DOCK10: variants seen among roughly 807,000 people sequenced by gnomAD.
DOCK10 encodes dedicator of cytokinesis 10.
In DOCK10, 145 loss-of-function variants were observed where a neutral mutation model predicts 280.1. The observed-to-expected ratio is 0.52, with a 90% confidence interval of 0.45 to 0.59. The LOEUF is 0.59. Among genes scored for constraint, DOCK10 ranks in the 20% least tolerant of loss-of-function variants. The pLI, the probability that DOCK10 is intolerant of heterozygous loss-of-function variation, is 0.00. For missense variants in DOCK10, 2,368 were observed against 2,651.7 expected, an observed-to-expected ratio of 0.89 and a Z score of 2.35; for synonymous variants, 915 against 942.2, an observed-to-expected ratio of 0.97 and a Z score of 0.53.
In DOCK10 at chr2:224,864,613, G is replaced by T; in HGVS notation, c.1542C>A (p.Val514=). The T allele has an allele frequency of 6.2e-7, 1 of 1,613,444 alleles. No individual in the cohort carries two copies. Among genetic ancestry groups the T allele is most frequent in the Non-Finnish European group, 8.5e-7 (1 of 1,179,760 alleles). ...EIVLVAKIEK[V]LMGNIASGAE... is the part of the protein sequence containing the mutation. The stretch of plus-strand genomic sequence containing the variant: ...CACCACTTGCAATGTTTCCCATCAA[G>T]ACTTTTTCGATTTTGGCCACCAAAA... The change falls in exon 13 of 56, where the codon GTC becomes GTA. Residue 514 remains valine (V), a synonymous_variant. Transcript: ENST00000258390.
At chr2:224,886,229 C>T (rs773221376) in intron 5 of DOCK10, 44 bp from the exon 6 acceptor site, 5 of 1,612,244 alleles carry the variant, frequency 3.1e-6, no homozygotes, top group Admixed American at 1.7e-5. Flanking sequence ...TTTTGTGGAT[C>T]CTAGATCCTA....
At chr2:225,002,531 T>C (rs1287510969) in intron 1 of DOCK10, among the ~76,000 whole-genome samples, 2 of 152,188 alleles carry the variant, frequency 1.3e-5, no homozygotes, top group African/African-American at 2.4e-5. Context: ...GTAGTTGAGA[T>C]TTAGTCAGCT....
chr2:224,907,674 C>T (rs915484167), intron 3 of DOCK10, among the ~76,000 whole-genome samples: 2 of 118,746 alleles, frequency 1.7e-5, no homozygotes, highest in African/African-American at 7.0e-5. Context: ...GGCGACAGAG[C>T]GAGACTCCAC....
chr2:224,992,173 G>A (rs116664085), intron 1 of DOCK10, among the ~76,000 whole-genome samples: 1,981 of 152,192 alleles, frequency 0.013, 45 homozygotes, highest in African/African-American at 0.044. Context: ...TGGATGACAC[G>A]GGATAAATGA....
chr2:225,022,386 T>A (rs1269294505), intron 1 of DOCK10, among the ~76,000 whole-genome samples: 1 of 152,196 alleles, frequency 6.6e-6, no homozygotes, highest in African/African-American at 2.4e-5. Flanking sequence ...CCCTTTCACC[T>A]ATTCCCTGAA....
intron 1 of DOCK10, among the ~76,000 whole-genome samples, chr2:224,961,364 A>T (rs906865084): frequency 4.7e-5 from 7 of 150,452 alleles, no homozygotes; most frequent in Non-Finnish European, 8.9e-5. Context: ...GTAGTATGTG[A>T]TATTTCCCAT....
Position 224,807,741 on chromosome 2 carries a change from C to T in DOCK10, c.3629G>A (p.Gly1210Asp), listed in dbSNP as rs748717004. 42 of 1,572,864 alleles carry T rather than the reference C, an allele frequency of 2.7e-5. No homozygotes were observed. The highest frequency in any genetic ancestry group is 3.5e-5 in the Non-Finnish European group (41 of 1,157,734). ...CCTTGGCATATTGTCCAGGAGCATG[C>T]CGTACAGGGGCATGTATAAACTTGC... ...QIASLYMPLY[G>D]MLLDNMPRIY... is the part of the protein sequence containing the mutation. Residue 1210 changes from glycine to aspartate, a missense_variant, in exon 33 of 56, where the codon GGC (glycine) becomes GAC (aspartate). Gly to Asp is a moderately conservative substitution (Grantham distance 94). Coordinates refer to ENST00000258390, the MANE Select transcript of DOCK10 (RefSeq NM_014689.3).
At chr2:225,014,568 C>G (rs1055152609) in intron 1 of DOCK10, among the ~76,000 whole-genome samples, 1 of 151,736 alleles carries the variant, frequency 6.6e-6, no homozygotes, top group African/African-American at 2.4e-5. Context: ...ACTAATCATG[C>G]CTTTTATTTG....
Position 224,819,480 on chromosome 2 carries a change from T to C in DOCK10, c.3233A>G (p.Asn1078Ser). 6.2e-7 allele frequency: 1 copy of C among 1,611,622 alleles called. No individual in the cohort carries two copies. Among genetic ancestry groups the C allele is most frequent in the South Asian group, 1.1e-5 (1 of 90,580 alleles). ...DRGYVFKMVN[N>S]YISMFSSGDL... ...ACCGGAGGAGAACATGCTGATGTAA[T>C]TGTTGACCATCTTAAACACATACCC... Residue 1078 changes from asparagine to serine, a missense_variant, in exon 29 of 56, where the codon AAT becomes AGT. Coordinates refer to ENST00000258390, the MANE Select transcript of DOCK10 (RefSeq NM_014689.3).
intron 12 of DOCK10, 27 bp from the exon 13 acceptor site, chr2:224,864,702 G>A (rs1697757673): frequency 1.3e-6 from 2 of 1,596,390 alleles, no homozygotes; most frequent in Admixed American, 3.6e-5. Context: ...CAGCTAATAA[G>A]CATGGAAGAA....
In DOCK10 at chr2:224,804,148, T is replaced by C. The variant is rs566258280; in HGVS notation, c.4232A>G (p.Asn1411Ser). ...GAGACCTGATGTCTGGCAGGAAGGA[T>C]TGGATCCTTTGAGAGTTCCATTGTT... Reference protein sequence around the residue: ...TQNNGTLKGSNPSCQTSGLLS... With the variant: ...TQNNGTLKGSSPSCQTSGLLS... Residue 1411 changes from asparagine (N) to serine (S), a missense_variant, in exon 39 of 56, where the codon AAT (asparagine) becomes AGT (serine). This residue lies in a region of DOCK10 where 1,159 missense variants were observed against 1,400.8 expected (regional missense o/e 0.83). Transcript: ENST00000258390. 1.2e-5 allele frequency: 19 copies of C among 1,611,726 alleles called. No homozygotes were observed. The South Asian group carries it at 1.4e-4, about 12-fold the overall frequency.
chr2:224,974,270 A>G (rs1374491441), intron 1 of DOCK10, among the ~76,000 whole-genome samples: 1 of 152,192 alleles, frequency 6.6e-6, no homozygotes, highest in Admixed American at 6.5e-5. Flanking sequence ...TGCAAATTGA[A>G]TGTATTGGGC....
At chr2:224,943,142 A>G (rs766597954) in intron 1 of DOCK10, among the ~76,000 whole-genome samples, 1 of 152,220 alleles carries the variant, frequency 6.6e-6, no homozygotes, top group Non-Finnish European at 1.5e-5. Flanking sequence ...TCAAAAATTA[A>G]GGGAAGAAGT....
At chr2:224,980,374 T>C (rs973227513) in intron 1 of DOCK10, among the ~76,000 whole-genome samples, 1 of 152,250 alleles carries the variant, frequency 6.6e-6, no homozygotes, top group Admixed American at 6.5e-5. Flanking sequence ...CTAAAGTTTG[T>C]AGACTAAGTG....
In DOCK10 at chr2:224,770,274, C is replaced by T; in HGVS notation, c.6381G>A (p.Gln2127=). Residue 2127 remains glutamine (Q), a synonymous_variant, in exon 55 of 56, where the codon CAG becomes CAA. Transcript: ENST00000258390. The surrounding 1 kb of genome is among the most constrained non-coding windows in gnomAD (Gnocchi z 4.5). ...RLIKEDQLEY[Q]EELRSHYKDM... The stretch of plus-strand genomic sequence containing the variant: ...CCTTGTAGTGGGACCTCAGTTCTTC[C>T]TGGTACTCCAGCTGGTCCTCTTTGA... 2 of 1,605,600 alleles carry T rather than the reference C, an allele frequency of 1.2e-6. No homozygotes were observed. Among genetic ancestry groups the T allele is most frequent in the Non-Finnish European group, 1.7e-6 (2 of 1,176,060 alleles).
chr2:224,854,588 T>C (rs1696979722), intron 16 of DOCK10, among the ~76,000 whole-genome samples: 1 of 152,170 alleles, frequency 6.6e-6, no homozygotes, highest in African/African-American at 2.4e-5. Context: ...ATTATTGGTT[T>C]GTTAATCTAT....
chr2:224,990,796 A>G lies in DOCK10; in HGVS notation c.123+51456T>C, dbSNP rs139373338. On this transcript the variant is annotated intron_variant, in intron 1 of 55. Coordinates refer to ENST00000258390, the MANE Select transcript of DOCK10 (RefSeq NM_014689.3). ...TGAGTAAACAAATTTGAAATAATAT[A>G]ATAATACCTCACTTACCCTAAGGTC... Among the ~76,000 whole-genome samples the G allele has an allele frequency of 1.6e-3, 245 of 152,294 alleles. 4 individuals carry two copies. The highest frequency in any genetic ancestry group is 5.6e-3 in the African/African-American group (233 of 41,546).
At chr2:225,005,415 A>G (rs1256489753) in intron 1 of DOCK10, among the ~76,000 whole-genome samples, 2 of 152,242 alleles carry the variant, frequency 1.3e-5, no homozygotes, top group Admixed American at 1.3e-4. Context: ...ATTTTATACT[A>G]GAGCAGTGTT....
intron 1 of DOCK10, among the ~76,000 whole-genome samples, chr2:224,985,456 G>A (rs1197310156): frequency 6.6e-6 from 1 of 151,708 alleles, no homozygotes; most frequent in Non-Finnish European, 1.5e-5. Flanking sequence ...AATAAAAAAT[G>A]TTCTTGTTTC....
Sources: gnomAD v4.1 joint callset for allele counts (sites outside exome capture counted in the v4.1 genomes callset) on GRCh38, gnomAD v4.1.1 for gene constraint, gnomAD v4.1.1 regional missense constraint, Gnocchi (gnomAD v3.1) non-coding constraint, MANE v1.5 for transcripts, NCBI Gene and HGNC (gene_info 2026-07-23, HGNC 2026-07-21) for gene names.